Variants in FNDC3B observed in about 807,000 individuals in gnomAD.
FNDC3B encodes the protein fibronectin type III domain-containing protein 3B.
In FNDC3B, 12 loss-of-function variants were observed where a neutral mutation model predicts 151.5. That is an observed-to-expected ratio of 0.08 (90% CI 0.05 to 0.13). FNDC3B has a LOEUF of 0.13. Among genes scored for constraint, FNDC3B ranks in the 10% least tolerant of loss-of-function variants. The pLI, the probability that FNDC3B is intolerant of heterozygous loss-of-function variation, is 1.00. For missense variants in FNDC3B, 1,214 were observed against 1,505.3 expected, an observed-to-expected ratio of 0.81 and a Z score of 3.20; for synonymous variants, 528 against 549.0, an observed-to-expected ratio of 0.96 and a Z score of 0.54.
chr3:172,176,928 G>A (rs908666043), intron 3 of FNDC3B, among the ~76,000 whole-genome samples: 1 of 152,134 alleles, frequency 6.6e-6, no homozygotes, highest in Non-Finnish European at 1.5e-5. Context: ...AAGGAGCAGT[G>A]TGGGGATCAG....
In FNDC3B at chr3:172,311,529, A is replaced by AT. The variant is rs1731490499; in HGVS notation, c.1254+649dup. On this transcript the variant is annotated intron_variant, in intron 11 of 25. Transcript: ENST00000415807. ...TGGCCTAGCTAACTCTACACACAGA[A>AT]TCTCAGGCAGGAAACACTTGACCTA... Among the ~76,000 whole-genome samples, 3 of 152,036 alleles carry AT rather than the reference A, an allele frequency of 2.0e-5. No homozygotes were observed. The South Asian group carries it at 6.2e-4, about 32-fold the overall frequency.
intron 4 of FNDC3B, among the ~76,000 whole-genome samples, chr3:172,242,505 A>G (rs781259259): frequency 6.6e-6 from 1 of 152,184 alleles, no homozygotes; most frequent in Non-Finnish European, 1.5e-5. Context: ...CGCAGGCTCA[A>G]CGCCACATGG....
intron 9 of FNDC3B, among the ~76,000 whole-genome samples, chr3:172,304,897 A>G (rs1196493433): frequency 2.3e-5 from 3 of 128,804 alleles, no homozygotes; most frequent in African/African-American, 3.5e-5. Flanking sequence ...ACTTCATCTG[A>G]AAAAAAAAAA....
In FNDC3B at chr3:172,349,634, T is replaced by A. The variant is rs79198611; in HGVS notation, c.2514+2273T>A. ...AGGTCTGTATGTTAATAGTATAGTATCAGTGATAATGTTTTTCTTTTCTTT... is the reference window on the plus strand; with the variant it reads ...AGGTCTGTATGTTAATAGTATAGTAACAGTGATAATGTTTTTCTTTTCTTT... On this transcript the variant is annotated intron_variant, in intron 21 of 25. Transcript: ENST00000415807. Among the ~76,000 whole-genome samples, 929 of 152,146 alleles carry A rather than the reference T, an allele frequency of 6.1e-3. 6 individuals carry two copies. Among genetic ancestry groups the A allele is most frequent in the African/African-American group, 0.021 (892 of 41,508 alleles).
chr3:172,277,760 TAGC>T (rs2108812668), intron 6 of FNDC3B, among the ~76,000 whole-genome samples: 1 of 152,350 alleles, frequency 6.6e-6, no homozygotes, highest in South Asian at 2.1e-4. Flanking sequence ...ATTGGCTGCA[TAGC>T]AGCTGCCCCC....
At chr3:172,191,334 TG>T in intron 3 of FNDC3B, among the ~76,000 whole-genome samples, 5 of 152,336 alleles carry the variant, frequency 3.3e-5, no homozygotes, top group Admixed American at 3.3e-4. Context: ...TGCTTCGTGC[TG>T]GGCAAATTTT....
At chr3:172,330,975 CTTAGAAATTAT>C (rs61475439) in intron 13 of FNDC3B, among the ~76,000 whole-genome samples, 7,722 of 143,848 alleles carry the variant, frequency 0.054, 243 homozygotes, top group African/African-American at 0.092. Flanking sequence ...TTGAATCTTC[CTTAGAAATTAT>C]TTAGAAATTA....
At chr3:172,104,154 G>GT (rs1719511996) in intron 1 of FNDC3B, among the ~76,000 whole-genome samples, 1 of 152,030 alleles carries the variant, frequency 6.6e-6, no homozygotes. Flanking sequence ...GTTTTTAGAA[G>GT]TTTTTTTATG....
chr3:172,130,848 G>T (rs968862667), intron 2 of FNDC3B, among the ~76,000 whole-genome samples: 15 of 152,058 alleles, frequency 9.9e-5, no homozygotes, highest in Non-Finnish European at 1.3e-4. Context: ...GGCATCCATT[G>T]GTTCCCCCCT....
intron 11 of FNDC3B, among the ~76,000 whole-genome samples, chr3:172,325,960 A>G (rs997829558): frequency 6.6e-6 from 1 of 152,102 alleles, no homozygotes; most frequent in Non-Finnish European, 1.5e-5. Flanking sequence ...AGTAGCTGGG[A>G]TTACAGGCGT....
intron 25 of FNDC3B, among the ~76,000 whole-genome samples, chr3:172,395,405 A>G (rs1736224311): frequency 6.6e-6 from 1 of 152,188 alleles, no homozygotes; most frequent in Non-Finnish European, 1.5e-5. Context: ...AGTTTCAGTC[A>G]ACCAAAATGT....
intron 3 of FNDC3B, among the ~76,000 whole-genome samples, chr3:172,177,075 T>G (rs898102724): frequency 1.3e-5 from 2 of 152,166 alleles, no homozygotes; most frequent in Non-Finnish European, 1.5e-5. Context: ...AGGAACTTGA[T>G]CAGATATTGG....
intron 1 of FNDC3B, among the ~76,000 whole-genome samples, chr3:172,084,500 C>CACACACACACACACAT (rs1553759317): frequency 7.9e-5 from 12 of 151,800 alleles, no homozygotes; most frequent in East Asian, 7.8e-4. Context: ...CACACACACA[C>CACACACACACACACAT]GTATATTCTG....
chr3:172,336,595 T>C (rs1732978598), intron 15 of FNDC3B, among the ~76,000 whole-genome samples: 1 of 152,182 alleles, frequency 6.6e-6, no homozygotes, highest in South Asian at 2.1e-4. Flanking sequence ...TCCGTTCCTT[T>C]CCATCACTCA....
chr3:172,185,558 T>C (rs1047795932), intron 3 of FNDC3B, among the ~76,000 whole-genome samples: 12 of 152,246 alleles, frequency 7.9e-5, no homozygotes, highest in African/African-American at 2.9e-4. Flanking sequence ...ATAGTTCTTT[T>C]GCAGAGGTCT....
At position 172,115,670 on chromosome 3, in the gene FNDC3B, G is replaced by A. The variant is rs568713957; in HGVS notation, c.111+3080G>A. Among the ~76,000 whole-genome samples the A allele has an allele frequency of 8.6e-4, 131 of 152,284 alleles. 1 individual carries two copies. The highest frequency in any genetic ancestry group is 3.1e-3 in the African/African-American group (128 of 41,552). ...AGGATTGACTCTAGGGGTGGACATTGCAGGCACTGTACAACAGACCCTCGG... is the reference window on the plus strand; with the variant it reads ...AGGATTGACTCTAGGGGTGGACATTACAGGCACTGTACAACAGACCCTCGG... On this transcript the variant is annotated intron_variant, in intron 2 of 25. Coordinates refer to ENST00000415807, the MANE Select transcript of FNDC3B (RefSeq NM_022763.4).
intron 1 of FNDC3B, among the ~76,000 whole-genome samples, chr3:172,088,818 T>G (rs1201106084): frequency 6.6e-6 from 1 of 152,254 alleles, no homozygotes; most frequent in Non-Finnish European, 1.5e-5. Context: ...ATTATGATTT[T>G]ATGATTACTT....
chr3:172,118,783 G>T (rs1374201481), intron 2 of FNDC3B, among the ~76,000 whole-genome samples: 1 of 152,174 alleles, frequency 6.6e-6, no homozygotes, highest in Non-Finnish European at 1.5e-5. Flanking sequence ...ATTGCTGACT[G>T]CCGTTCATGC....
At position 172,251,326 on chromosome 3, in the gene FNDC3B, A is replaced by C. The variant is rs1728056629; in HGVS notation, c.575A>C (p.His192Pro). The stretch of plus-strand genomic sequence containing the variant: ...GAAGACCAGTACAGCAAGCCTCCGC[A>C]CAAAAAACTGAAAGACCGCCAGATC... ...TREDQYSKPP[H>P]KKLKDRQIDR... The change falls in exon 6 of 26, where the codon CAC becomes CCC. Residue 192 changes from histidine to proline, a missense_variant. Around this residue, in one of 7 missense-constraint regions of FNDC3B, gnomAD observed 166 missense variants for 173.2 expected, o/e 0.96. Transcript: ENST00000415807. The C allele has an allele frequency of 4.3e-6, 7 of 1,613,950 alleles. No individual in the cohort carries two copies. The Admixed American group carries it at 8.3e-5, about 19-fold the overall frequency.
Sources: allele counts gnomAD v4.1 joint callset (sites outside exome capture counted in the v4.1 genomes callset), GRCh38; gene constraint gnomAD v4.1.1; regional missense constraint gnomAD v4.1.1; transcripts MANE v1.5; gene names NCBI Gene and HGNC (gene_info 2026-07-23, HGNC 2026-07-21).